The following AP1G1 variants were observed in gnomAD, a reference collection of about 807,000 sequenced individuals.
The protein encoded by AP1G1 is adaptor related protein complex 1 subunit gamma 1, also known as AP-1 complex subunit gamma-1.
Under a neutral mutation model 108.3 loss-of-function variants are expected in AP1G1, and 7 were observed. The ratio of observed to expected loss-of-function variants is 0.06; its 90% confidence interval spans 0.04 to 0.12. The LOEUF (loss-of-function observed/expected upper bound fraction) is 0.12, where lower values mean the gene tolerates loss of function less well. Ranked by LOEUF, AP1G1 falls within the 10% of genes least tolerant of loss-of-function variation. AP1G1 has a pLI of 1.00. For missense variants in AP1G1, 756 were observed against 1,010.7 expected (o/e 0.75, Z 3.42); for synonymous variants, 379 against 353.5 (o/e 1.07, Z -0.81).
chr16:71,802,747 A>C (rs989589524), intron 1 of AP1G1, among the ~76,000 whole-genome samples: 1 of 151,510 alleles, frequency 6.6e-6, no homozygotes, highest in Admixed American at 6.6e-5. Context: ...AAATTCGTAC[A>C]GCCAGAGTCC....
chr16:71,807,494 C>A (rs1297257927), intron 1 of AP1G1, among the ~76,000 whole-genome samples: 3 of 152,070 alleles, frequency 2.0e-5, no homozygotes, highest in African/African-American at 7.2e-5. Context: ...TGCAAACATG[C>A]CTTTAGAATA....
At chr16:71,786,134 TTC>T (rs1374721273) in intron 2 of AP1G1, among the ~76,000 whole-genome samples, 1 of 152,176 alleles carries the variant, frequency 6.6e-6, no homozygotes. Context: ...TAGCACAGTT[TTC>T]TCGAGCATTT....
chr16:71,739,284 A>T lies in AP1G1; in HGVS notation c.2057T>A (p.Phe686Tyr). ...CTGTGATGAAAGCCCATCCAACAAG[A>T]AGGGGGGCTGGGATATCTGTGGGAC... ...ASVPQISQPPFLLDGLSSQPL... is the reference protein window; with the variant it reads ...ASVPQISQPPYLLDGLSSQPL... The change falls in exon 20 of 23, where the codon TTC becomes TAC. Residue 686 changes from phenylalanine (F) to tyrosine (Y), a missense_variant. Around this residue, in one of 3 missense-constraint regions of AP1G1, gnomAD observed 357 missense variants for 366.5 expected, o/e 0.97. Transcript: ENST00000299980. 3 of 1,613,154 alleles carry T rather than the reference A, an allele frequency of 1.9e-6. No individual in the cohort carries two copies. Among genetic ancestry groups the T allele is most frequent in the Non-Finnish European group, 2.5e-6 (3 of 1,179,772 alleles).
intron 13 of AP1G1, among the ~76,000 whole-genome samples, chr16:71,751,869 C>CA (rs559501963): frequency 1.3e-5 from 2 of 152,026 alleles, no homozygotes; most frequent in African/African-American, 4.8e-5. Context: ...AAGACAGGTG[C>CA]AAAAAAATCC....
intron 21 of AP1G1, among the ~76,000 whole-genome samples, chr16:71,737,238 T>C (rs540087520): frequency 4.6e-5 from 7 of 152,166 alleles, no homozygotes; most frequent in Non-Finnish European, 1.0e-4. Context: ...AGAATGGCTC[T>C]AGAGTTCATT....
At chr16:71,739,183 C>T (rs771055729) in intron 20 of AP1G1, 51 bp downstream of exon 20, 84 of 1,607,024 alleles carry the variant, frequency 5.2e-5, no homozygotes, top group South Asian at 8.8e-5. Flanking sequence ...TTAATAACCA[C>T]ATCTCATTAC....
In AP1G1 at chr16:71,753,871, G is replaced by T. The variant is rs1333884260; in HGVS notation, c.1246C>A (p.Arg416=). The T allele has an allele frequency of 6.2e-7, 1 of 1,613,972 alleles. No individual in the cohort carries two copies. The highest frequency in any genetic ancestry group is 8.5e-7 in the Non-Finnish European group (1 of 1,179,928). The change falls in exon 13 of 23, where the codon CGA becomes AGA. Residue 416 remains arginine, a synonymous_variant. Coordinates refer to ENST00000299980, the MANE Select transcript of AP1G1 (RefSeq NM_001128.6). ...CGCATAATTGTGTCTATATGCCATC[G>T]TTTGGAAGGTGCATACCTGAAAAAA... The part of the protein sequence containing the change: ...LAAEKYAPSK[R]WHIDTIMRVL...
intron 1 of AP1G1, among the ~76,000 whole-genome samples, chr16:71,802,063 T>C (rs2032821606): frequency 6.6e-6 from 1 of 152,158 alleles, no homozygotes; most frequent in Non-Finnish European, 1.5e-5. Flanking sequence ...ATTTCTGGTC[T>C]CAAGCATTTC....
At chr16:71,778,903 G>T (rs1403107971) in intron 2 of AP1G1, among the ~76,000 whole-genome samples, 2 of 152,100 alleles carry the variant, frequency 1.3e-5, no homozygotes, top group African/African-American at 4.8e-5. Context: ...TCAATTACAT[G>T]CATCTGCCCC....
At chr16:71,733,802 A>G (rs1015435558) in intron 22 of AP1G1, among the ~76,000 whole-genome samples, 1 of 152,242 alleles carries the variant, frequency 6.6e-6, no homozygotes, top group Admixed American at 6.5e-5. Flanking sequence ...AAAAACCTAC[A>G]GTAAATGTGA....
chr16:71,729,812 A>G lies in AP1G1; in HGVS notation c.*3246T>C, dbSNP rs1188692329. On this transcript the variant is annotated 3_prime_UTR_variant, in exon 23 of 23. Transcript: ENST00000299980. ...TCCTCTCTAGTTTTCTCAGTTTAGG[A>G]CACTGTGGTTAAAATACATTCACTA... 3 of 152,640 alleles carry G rather than the reference A, an allele frequency of 2.0e-5. No homozygotes were observed. The highest frequency in any genetic ancestry group is 4.4e-5 in the Non-Finnish European group (3 of 68,050). 9.5% of individuals were successfully genotyped at this position (152,640 alleles called of 1,614,324 possible).
At chr16:71,780,858 G>A (rs1213344300) in intron 2 of AP1G1, among the ~76,000 whole-genome samples, 3 of 146,016 alleles carry the variant, frequency 2.1e-5, no homozygotes, top group Admixed American at 7.0e-5. Context: ...TCACTCTGTC[G>A]CCCAGGCTGG....
intron 4 of AP1G1, among the ~76,000 whole-genome samples, chr16:71,771,823 T>C (rs1035136756): frequency 2.0e-5 from 3 of 152,234 alleles, no homozygotes; most frequent in African/African-American, 4.8e-5. Context: ...CTGAAAGATA[T>C]ATACTGTAAA....
intron 1 of AP1G1, among the ~76,000 whole-genome samples, chr16:71,794,834 G>GTTTT (rs1567663373): frequency 1.3e-4 from 4 of 30,372 alleles, no homozygotes; most frequent in South Asian, 1.9e-3. Flanking sequence ...CATGAGAAGT[G>GTTTT]CTTTTTTTTT....
At chr16:71,767,398 G>T (rs1286606219) in intron 6 of AP1G1, among the ~76,000 whole-genome samples, 1 of 152,188 alleles carries the variant, frequency 6.6e-6, no homozygotes, top group East Asian at 1.9e-4. Context: ...AAACTTCTAT[G>T]TAAGATTAAG....
intron 2 of AP1G1, among the ~76,000 whole-genome samples, chr16:71,786,938 G>GCTAATTTT (rs2032225303): frequency 6.6e-6 from 1 of 151,290 alleles, no homozygotes; most frequent in Non-Finnish European, 1.5e-5. Context: ...TTCCCAGAAG[G>GCTAATTTT]TCGAGGCTGC....
At chr16:71,781,274 C>T (rs567242284) in intron 2 of AP1G1, among the ~76,000 whole-genome samples, 2 of 152,260 alleles carry the variant, frequency 1.3e-5, no homozygotes, top group South Asian at 2.1e-4. Flanking sequence ...CTTCATTCTT[C>T]TGGCAGAAAA....
intron 21 of AP1G1, among the ~76,000 whole-genome samples, chr16:71,738,217 ATT>A (rs61059579): frequency 2.1e-5 from 3 of 144,300 alleles, no homozygotes; most frequent in Admixed American, 6.9e-5. Context: ...CGCCCGGCTA[ATT>A]TTTTTTTTTT....
At chr16:71,800,616 A>G in intron 1 of AP1G1, among the ~76,000 whole-genome samples, 1 of 151,154 alleles carries the variant, frequency 6.6e-6, no homozygotes, top group South Asian at 2.1e-4. Context: ...CCTGGCTAAC[A>G]TGGTGAAACC....
Sources: gnomAD v4.1 joint callset for allele counts (sites outside exome capture counted in the v4.1 genomes callset) on GRCh38, gnomAD v4.1.1 for gene constraint, gnomAD v4.1.1 regional missense constraint, MANE v1.5 for transcripts, NCBI Gene and HGNC (gene_info 2026-07-23, HGNC 2026-07-21) for gene names.